TRAFD1: variants seen among roughly 807,000 people sequenced by gnomAD.
TRAFD1 encodes the protein TRAF-type zinc finger domain containing 1.
TRAFD1 carries 38 observed loss-of-function variants against 65.3 expected under a neutral mutation model. The observed-to-expected ratio is 0.58, with a 90% confidence interval of 0.45 to 0.76. The LOEUF (loss-of-function observed/expected upper bound fraction) is 0.76. Ranked by LOEUF, TRAFD1 falls within the 30% of genes least tolerant of loss-of-function variation. The pLI is 0.00. For missense variants in TRAFD1, 631 were observed against 712.6 expected (o/e 0.89, Z 1.30); for synonymous variants, 223 against 257.2 (o/e 0.87, Z 1.27).
intron 2 of TRAFD1, among the ~76,000 whole-genome samples, chr12:112,132,535 T>C (rs2079571578): frequency 6.6e-6 from 1 of 152,224 alleles, no homozygotes; most frequent in African/African-American, 2.4e-5. Flanking sequence ...GAGAGAAATA[T>C]GGGAAGTTAA....
chr12:112,137,740 C>T lies in TRAFD1; in HGVS notation c.237+2674C>T, dbSNP rs1346876540. Among the ~76,000 whole-genome samples the T allele has an allele frequency of 1.3e-5, 2 of 151,684 alleles. No individual in the cohort carries two copies. The highest frequency in any genetic ancestry group is 4.8e-5 in the African/African-American group (2 of 41,268). ...TTGCGCTACTGCACTTCAGTCAGGG[C>T]GACAGAGCGAGACTCCGTCTAAAAA... On this transcript the variant is annotated intron_variant, in intron 4 of 11. Coordinates refer to ENST00000412615, the MANE Select transcript of TRAFD1 (RefSeq NM_006700.3). This position sits in a 1 kb window ranked among gnomAD's most constrained non-coding sequence, Gnocchi z 4.2.
intron 4 of TRAFD1, among the ~76,000 whole-genome samples, chr12:112,138,612 C>T (rs973083002): frequency 3.3e-5 from 5 of 151,498 alleles, no homozygotes; most frequent in Middle Eastern, 3.2e-3. Context: ...AATCCCAGCA[C>T]TTCGGGAGGC....
chr12:112,148,667 C>T (rs2030322040), intron 8 of TRAFD1, among the ~76,000 whole-genome samples: 1 of 152,168 alleles, frequency 6.6e-6, no homozygotes, highest in Non-Finnish European at 1.5e-5. Context: ...TTCTAGGAGA[C>T]CTGAGGGTCT....
Position 112,140,913 on chromosome 12 carries a change from C to T in TRAFD1, c.332C>T (p.Ala111Val). 6.2e-7 allele frequency: 1 copy of T among 1,614,132 alleles called. No homozygotes were observed. Among genetic ancestry groups the T allele is most frequent in the Non-Finnish European group, 8.5e-7 (1 of 1,180,030 alleles). Reference sequence around the variant, plus strand: ...AAGGAACATGAAGATTATTGTGGTGCCCGGACGGAACTATGTGGCAACTGT... The same window carrying T: ...AAGGAACATGAAGATTATTGTGGTGTCCGGACGGAACTATGTGGCAACTGT... ...KLKEHEDYCG[A>V]RTELCGNCGR... Residue 111 changes from alanine (A) to valine (V), a missense_variant, in exon 5 of 12, where the codon GCC (alanine) becomes GTC (valine). Coordinates refer to ENST00000412615, the MANE Select transcript of TRAFD1 (RefSeq NM_006700.3).
At chr12:112,150,515 T>C (rs2030370719) in intron 9 of TRAFD1, among the ~76,000 whole-genome samples, 1 of 152,140 alleles carries the variant, frequency 6.6e-6, no homozygotes. Flanking sequence ...TCCCAAAGCA[T>C]TGGGGTTACA....
chr12:112,135,134 G>C (rs1347297162), intron 4 of TRAFD1, 68 bp downstream of exon 4: 5 of 1,578,896 alleles, frequency 3.2e-6, no homozygotes, highest in Non-Finnish European at 4.4e-6. Context: ...TGCAGAGCAG[G>C]AAGCCAGTCT....
At chr12:112,129,069 G>A (rs1020138756) in intron 1 of TRAFD1, among the ~76,000 whole-genome samples, 4 of 149,230 alleles carry the variant, frequency 2.7e-5, no homozygotes, top group Admixed American at 1.3e-4. Flanking sequence ...GCTTAACAAG[G>A]TCATGAAAGA....
At chr12:112,146,618 T>A (rs1247838566) in intron 7 of TRAFD1, among the ~76,000 whole-genome samples, 2 of 152,230 alleles carry the variant, frequency 1.3e-5, no homozygotes. Context: ...TGCCCCTGTC[T>A]CCTTAACACA....
intron 2 of TRAFD1, 87 bp from the exon 3 acceptor site, chr12:112,134,651 G>C (rs1445609112): frequency 1.4e-6 from 2 of 1,472,742 alleles, no homozygotes; most frequent in Non-Finnish European, 9.3e-7. Flanking sequence ...AGATTGGACA[G>C]GACAGATTTC....
chr12:112,149,902 G>C (rs753461637), intron 9 of TRAFD1, 31 bp downstream of exon 9: 1 of 1,612,372 alleles, frequency 6.2e-7, no homozygotes, highest in Non-Finnish European at 8.5e-7. Flanking sequence ...AGCCAAGGCC[G>C]CAGGTCTACT....
chr12:112,152,979 G>C lies in TRAFD1; in HGVS notation c.*188G>C. On this transcript the variant is annotated 3_prime_UTR_variant, in exon 12 of 12. Transcript: ENST00000412615. The surrounding 1 kb of genome is among the most constrained non-coding windows in gnomAD (Gnocchi z 5.0). ...GGTTTGGGTTTGAGGGAAGGGAGCAGGGTGGCGGTTGAGGAACGCTTCAGC... is the reference window on the plus strand; with the variant it reads ...GGTTTGGGTTTGAGGGAAGGGAGCACGGTGGCGGTTGAGGAACGCTTCAGC... The C allele has an allele frequency of 3.3e-6, 2 of 606,438 alleles. No individual in the cohort carries two copies. Among genetic ancestry groups the C allele is most frequent in the Non-Finnish European group, 5.6e-6 (2 of 355,294 alleles). The allele number at this position is 606,438 out of a possible 1,614,324, so 37.6% of individuals were successfully genotyped here.
chr12:112,140,973 AC>A lies in TRAFD1; in HGVS notation c.395del (p.Pro132LeufsTer48). The A allele has an allele frequency of 6.2e-7, 1 of 1,614,116 alleles. No homozygotes were observed. Reference protein sequence around the residue: ...RNVLVKDLKTHPEVCGREGEE... With the variant: ...RNVLVKDLKTXPEVCGREGEE... The stretch of plus-strand genomic sequence containing the variant: ...GTCCTTGTGAAAGATCTGAAGACTC[AC>A]CCTGAAGTTTGTGGGAGAGAGGGGG... On this transcript the variant is annotated frameshift_variant, in exon 5 of 12. Transcript: ENST00000412615. LOFTEE classifies it high-confidence loss of function.
rs761993967 is a variant in TRAFD1 at position 112,149,848 on chromosome 12, C to G, written c.1256C>G (p.Pro419Arg). 1 of 1,614,136 alleles carries G rather than the reference C, an allele frequency of 6.2e-7. No homozygotes were observed. The highest frequency in any genetic ancestry group is 8.5e-7 in the Non-Finnish European group (1 of 1,180,010). The change falls in exon 9 of 12, where the codon CCC becomes CGC. Residue 419 changes from proline (P) to arginine (R), a missense_variant. Physicochemically the swap from Pro to Arg is moderately radical, Grantham distance 103. Coordinates refer to ENST00000412615, the MANE Select transcript of TRAFD1 (RefSeq NM_006700.3). ...CCTCAAGAGACCTCACCAGAGCTGC[C>G]CAGGAGGCGTGTCAGACACCAGGGT... is the stretch of plus-strand genomic sequence containing the variant. ...SQPQETSPEL[P>R]RRRVRHQGDL...
At chr12:112,149,523 C>T (rs2030343395) in intron 8 of TRAFD1, 1 of 433,188 alleles carries the variant, frequency 2.3e-6, no homozygotes, top group Non-Finnish European at 4.1e-6. Flanking sequence ...CAAGATCAGC[C>T]CTTCCCGCAT....
rs759253825 is a variant in TRAFD1, at chr12:112,152,453, C to T, written c.1646C>T (p.Ser549Phe). Residue 549 changes from serine (S) to phenylalanine (F), a missense_variant, in exon 11 of 12, where the codon TCC (serine) becomes TTC (phenylalanine). Physicochemically the swap from Ser to Phe is radical, Grantham distance 155 (BLOSUM62 -2). Transcript: ENST00000412615. The surrounding 1 kb of genome is among the most constrained non-coding windows in gnomAD (Gnocchi z 5.0). ...GGTAGGAGTGAAGGTGGCAGGAATT[C>T]CCGGGTCACCCCTGCAGCTGCCAAC... is the stretch of plus-strand genomic sequence containing the variant. ...ASGRSEGGRN[S>F]RVTPAAANYR... 4 of 1,613,734 alleles carry T rather than the reference C, an allele frequency of 2.5e-6. No homozygotes were observed. Among genetic ancestry groups the T allele is most frequent in the African/African-American group, 1.3e-5 (1 of 75,020 alleles).
intron 1 of TRAFD1, among the ~76,000 whole-genome samples, chr12:112,127,661 C>CTTTTTTTTTTTTTTTTT (rs1316495205): frequency 6.7e-6 from 1 of 148,986 alleles, no homozygotes; most frequent in South Asian, 2.1e-4. Context: ...TAATTTTTTG[C>CTTTTTTTTTTTTTTTTT]TTTTTTGTTT....
At chr12:112,141,531 G>T in intron 5 of TRAFD1, 1 of 282,104 alleles carries the variant, frequency 3.5e-6, no homozygotes, top group South Asian at 7.2e-5. Context: ...TATATATACT[G>T]GATGAGCATC....
At chr12:112,147,904 C>T (rs1013019448) in intron 7 of TRAFD1, among the ~76,000 whole-genome samples, 170 bp from the exon 8 acceptor site, 1 of 152,010 alleles carries the variant, frequency 6.6e-6, no homozygotes, top group Non-Finnish European at 1.5e-5. Context: ...CTGCTGACCT[C>T]GTGATCCACC....
chr12:112,125,822 C>T (rs1220645806), intron 1 of TRAFD1: 1 of 152,266 alleles, frequency 6.6e-6, no homozygotes, highest in Admixed American at 6.5e-5. Context: ...CCTTGGCAGC[C>T]CCCGGCGACG....
Sources: allele counts gnomAD v4.1 joint callset (sites outside exome capture counted in the v4.1 genomes callset), GRCh38; gene constraint gnomAD v4.1.1; non-coding constraint Gnocchi (gnomAD v3.1); transcripts MANE v1.5; gene names NCBI Gene and HGNC (gene_info 2026-07-23, HGNC 2026-07-21).